Variants in RSF1 observed in about 807,000 individuals in gnomAD.
The protein encoded by RSF1 is HBV pX-associated protein 8.
RSF1 carries 13 observed loss-of-function variants against 145.2 expected under a neutral mutation model. That is an observed-to-expected ratio of 0.09 (90% CI 0.06 to 0.14). The LOEUF (loss-of-function observed/expected upper bound fraction) is 0.14, where lower values mean the gene tolerates loss of function less well. Ranked by LOEUF, RSF1 falls within the 10% of genes least tolerant of loss-of-function variation. The probability of loss-of-function intolerance (pLI) is 1.00; values close to 1 mark genes in which losing one functional copy is unlikely to be tolerated. For synonymous variants in RSF1, 577 were observed against 592.6 expected (o/e 0.97, Z 0.38); for missense variants, 1,517 against 1,718.2 (o/e 0.88, Z 2.07).
intron 12 of RSF1, 198 bp from the exon 13 acceptor site, chr11:77,677,197 G>C (rs1959731832): frequency 3.5e-6 from 2 of 564,432 alleles, no homozygotes; most frequent in Non-Finnish European, 6.2e-6. Flanking sequence ...CTACTGAAGA[G>C]AAGTTTACTA....
chr11:77,755,193 T>G (rs751519566), intron 2 of RSF1, among the ~76,000 whole-genome samples: 7 of 152,180 alleles, frequency 4.6e-5, no homozygotes, highest in Non-Finnish European at 1.0e-4. Flanking sequence ...GAAAATGGAT[T>G]GCAGAGGAGC....
intron 1 of RSF1, among the ~76,000 whole-genome samples, chr11:77,781,145 G>A (rs1215379487): frequency 3.3e-5 from 5 of 151,960 alleles, no homozygotes; most frequent in African/African-American, 1.2e-4. Context: ...CTGTCACACA[G>A]GCTGGAGTGC....
At chr11:77,678,278 GC>G in intron 11 of RSF1, 125 bp from the exon 12 acceptor site, 2 of 457,686 alleles carry the variant, frequency 4.4e-6, no homozygotes, top group Non-Finnish European at 7.1e-6. Context: ...GTGCAGTGGC[GC>G]CATCTCGGCT....
intron 1 of RSF1, among the ~76,000 whole-genome samples, chr11:77,794,558 C>T (rs1948553360): frequency 6.6e-6 from 1 of 151,728 alleles, no homozygotes; most frequent in Non-Finnish European, 1.5e-5. Flanking sequence ...AAAAAACATA[C>T]AAACACATGG....
chr11:77,816,022 C>A (rs1287102014), intron 1 of RSF1, among the ~76,000 whole-genome samples: 1 of 152,200 alleles, frequency 6.6e-6, no homozygotes, highest in African/African-American at 2.4e-5. Flanking sequence ...TGACAACAAC[C>A]TCCCTCCAAA....
chr11:77,748,559 G>T (rs1017926476), intron 2 of RSF1, among the ~76,000 whole-genome samples: 4 of 151,950 alleles, frequency 2.6e-5, no homozygotes, highest in African/African-American at 9.7e-5. Flanking sequence ...TACAGAAAAA[G>T]GGAAAAATAT....
chr11:77,783,154 A>T (rs1054990893), intron 1 of RSF1, among the ~76,000 whole-genome samples: 3 of 152,328 alleles, frequency 2.0e-5, no homozygotes, highest in African/African-American at 7.2e-5. Flanking sequence ...ACCACCTCAC[A>T]TACAACATGA....
chr11:77,841,511 C>T, the RSF1 span, among the ~76,000 whole-genome samples: 1 of 152,214 alleles, frequency 6.6e-6, no homozygotes, highest in African/African-American at 2.4e-5. Flanking sequence ...ACTGATGGAA[C>T]ACTGTGTGTA....
chr11:77,667,537 A>G, intron 15 of RSF1, 46 bp from the exon 16 acceptor site: 1 of 1,513,648 alleles, frequency 6.6e-7, no homozygotes. Flanking sequence ...TTAACCATAA[A>G]CGAATTTAAT....
the RSF1 span, among the ~76,000 whole-genome samples, chr11:77,833,482 G>A: frequency 6.6e-6 from 1 of 152,100 alleles, no homozygotes; most frequent in African/African-American, 2.4e-5. Flanking sequence ...GTGTCAGGAG[G>A]TAGAGCTCGG....
chr11:77,830,196 GA>G, the RSF1 span: 1 of 152,210 alleles, frequency 6.6e-6, no homozygotes, highest in African/African-American at 2.4e-5. Context: ...TCCAGTAAGA[GA>G]TTCATCTAGA....
intron 2 of RSF1, among the ~76,000 whole-genome samples, chr11:77,755,379 AG>A (rs1490692885): frequency 6.6e-6 from 1 of 152,226 alleles, no homozygotes; most frequent in Non-Finnish European, 1.5e-5. Flanking sequence ...GGATTTATCA[AG>A]GTTCCTTGGC....
intron 1 of RSF1, among the ~76,000 whole-genome samples, chr11:77,789,078 TACGGCAAGG>T (rs1311386690): frequency 6.6e-6 from 1 of 152,020 alleles, no homozygotes; most frequent in African/African-American, 2.4e-5. Flanking sequence ...AGGAAACATC[TACGGCAAGG>T]AAGGAGAAAG....
chr11:77,686,903 G>T (rs1264479939), intron 9 of RSF1, among the ~76,000 whole-genome samples: 1 of 152,138 alleles, frequency 6.6e-6, no homozygotes, highest in African/African-American at 2.4e-5. Context: ...AATACATGTT[G>T]CTTAAATGTT....
At chr11:77,691,035 G>T in intron 9 of RSF1, 124 bp downstream of exon 9, 1 of 782,020 alleles carries the variant, frequency 1.3e-6, no homozygotes. Flanking sequence ...CAAAAAGGAG[G>T]CTGGATTTGG....
intron 4 of RSF1, among the ~76,000 whole-genome samples, chr11:77,735,653 A>C (rs1961330947): frequency 1.3e-5 from 2 of 152,250 alleles, no homozygotes; most frequent in South Asian, 4.1e-4. Flanking sequence ...CTAGCTAAGA[A>C]AAGCACCTAA....
the RSF1 span, among the ~76,000 whole-genome samples, chr11:77,871,005 T>TTA: frequency 6.6e-6 from 1 of 152,116 alleles, no homozygotes; most frequent in Admixed American, 6.6e-5. Flanking sequence ...ATCTAGGGCT[T>TTA]TATATATATA....
chr11:77,829,008 A>G, the RSF1 span, among the ~76,000 whole-genome samples: 1 of 152,266 alleles, frequency 6.6e-6, no homozygotes, highest in East Asian at 1.9e-4. Context: ...GATTGTGTGT[A>G]GTAATGGCAT....
rs985107332 is a variant in RSF1, at chr11:77,663,204, G to T, written c.*3713C>A. On this transcript the variant is annotated 3_prime_UTR_variant, in exon 16 of 16. Transcript: ENST00000308488. ...TTAGGTTCTTTACAGTTGTGTGGTA[G>T]AATCAGCAAAGGGTTAACATCTCTT... The T allele has an allele frequency of 6.6e-6, 1 of 152,076 alleles. No homozygotes were observed. Among genetic ancestry groups the T allele is most frequent in the Non-Finnish European group, 1.5e-5 (1 of 68,010 alleles). 9.4% of individuals were successfully genotyped at this position (152,076 alleles called of 1,614,324 possible).
Sources: gnomAD v4.1 joint callset for allele counts (sites outside exome capture counted in the v4.1 genomes callset) on GRCh38, gnomAD v4.1.1 for gene constraint, MANE v1.5 for transcripts, NCBI Gene and HGNC (gene_info 2026-07-23, HGNC 2026-07-21) for gene names.